SRP19: variants seen among roughly 807,000 people sequenced by gnomAD.
The protein encoded by SRP19 is signal recognition particle 19 kDa protein.
A neutral mutation model predicts 22.4 loss-of-function variants in SRP19; 11 were observed. The observed-to-expected ratio is 0.49, with a 90% CI of 0.31 to 0.81. The LOEUF (loss-of-function observed/expected upper bound fraction) is 0.81. SRP19 is among the 40% of genes least tolerant of loss of function. The pLI is 0.05. For synonymous variants in SRP19, 61 were observed against 57.6 expected (o/e 1.06, Z -0.27); for missense variants, 168 against 175.9 (o/e 0.96, Z 0.25).
In SRP19 at chr5:112,867,730, G is replaced by A. The variant is rs988683731; in HGVS notation, c.*193G>A. 20 of 1,304,536 alleles carry A rather than the reference G, an allele frequency of 1.5e-5. No individual in the cohort carries two copies. The African/African-American group carries it at 2.7e-4, about 17-fold the overall frequency. 80.8% of individuals were successfully genotyped at this position (1,304,536 alleles called of 1,614,324 possible). On this transcript the variant is annotated 3_prime_UTR_variant, in exon 5 of 5. Coordinates refer to ENST00000505459, the MANE Select transcript of SRP19 (RefSeq NM_003135.3). ...TCAGAAGTTTGCATCTCGCGTATATGCCGTATAAAAGAATTTTTTTGTCTT... is the reference window on the plus strand; with the variant it reads ...TCAGAAGTTTGCATCTCGCGTATATACCGTATAAAAGAATTTTTTTGTCTT...
At chr5:112,892,089 T>C (rs1389883723) in exon 5 of SRP19, 2 of 1,612,118 alleles carry the variant, frequency 1.2e-6, no homozygotes, top group Admixed American at 1.7e-5. Flanking sequence ...AGGCTGAAAA[T>C]GATTTAGAAA....
At chr5:112,886,656 T>C (rs1486898092) in intron 4 of SRP19, among the ~76,000 whole-genome samples, 1 of 152,238 alleles carries the variant, frequency 6.6e-6, no homozygotes, top group African/African-American at 2.4e-5. Flanking sequence ...TTTCTCCATT[T>C]ATTTAAAACT....
At chr5:112,889,019 T>G (rs1230813036) in intron 4 of SRP19, among the ~76,000 whole-genome samples, 1 of 150,848 alleles carries the variant, frequency 6.6e-6, no homozygotes, top group Non-Finnish European at 1.5e-5. Context: ...TCGCTTGGGC[T>G]CTCATTCTTT....
chr5:112,864,358 G>T, intron 2 of SRP19, 99 bp from the exon 3 acceptor site: 1 of 1,028,456 alleles, frequency 9.7e-7, no homozygotes, highest in South Asian at 1.4e-5. Flanking sequence ...TAGGGTTTTG[G>T]TACTTGTTTG....
At chr5:112,884,897 G>C (rs1054230279) in intron 4 of SRP19, among the ~76,000 whole-genome samples, 23 of 151,908 alleles carry the variant, frequency 1.5e-4, no homozygotes, top group African/African-American at 5.3e-4. Flanking sequence ...ATGAATTCAA[G>C]GAGTATGGTC....
chr5:112,891,603 G>C (rs771952927), exon 5 of SRP19: 3 of 1,565,684 alleles, frequency 1.9e-6, no homozygotes, highest in African/African-American at 2.7e-5. Flanking sequence ...ATTCCCATAG[G>C]TTAAGAATGT....
intron 4 of SRP19, among the ~76,000 whole-genome samples, chr5:112,875,325 T>G (rs931560161): frequency 1.3e-5 from 2 of 152,006 alleles, no homozygotes; most frequent in Non-Finnish European, 2.9e-5. Context: ...TAGGTGACCG[T>G]GCGGACCAGC....
chr5:112,888,112 G>A (rs1386997707), intron 4 of SRP19, among the ~76,000 whole-genome samples: 1 of 152,138 alleles, frequency 6.6e-6, no homozygotes, highest in African/African-American at 2.4e-5. Flanking sequence ...TTCCAAATCA[G>A]TATTTTTTAC....
intron 1 of SRP19, 92 bp downstream of exon 1, chr5:112,861,509 G>A: frequency 7.1e-7 from 1 of 1,409,044 alleles, no homozygotes; most frequent in Non-Finnish European, 9.8e-7. Flanking sequence ...GCGGCCTCCA[G>A]AATGGCCTAG....
chr5:112,874,282 C>G (rs1407912589), downstream of SRP19, among the ~76,000 whole-genome samples: 4 of 152,278 alleles, frequency 2.6e-5, no homozygotes, highest in South Asian at 2.1e-4. Flanking sequence ...AGTTTGAGAC[C>G]AGCCTGGCTA....
At chr5:112,896,057 T>TA (rs1349460483), downstream of SRP19, 3 of 152,616 alleles carry the variant, frequency 2.0e-5, no homozygotes, top group African/African-American at 7.2e-5. Context: ...CAGGTAGGGG[T>TA]ATGCTTAACA....
intron 4 of SRP19, among the ~76,000 whole-genome samples, chr5:112,875,442 C>T (rs558575397): frequency 2.0e-4 from 31 of 151,576 alleles, no homozygotes; most frequent in Admixed American, 1.6e-3. Flanking sequence ...CGTCTTGGCT[C>T]ACTGCAGCCT....
At chr5:112,893,094 T>TAAAAAAAAAAA (rs552226372), downstream of SRP19, 66 of 501,458 alleles carry the variant, frequency 1.3e-4, no homozygotes, top group African/African-American at 7.7e-4. Flanking sequence ...GTTTTGTTCT[T>TAAAAAAAAAAA]AAAAAAAAAA....
chr5:112,894,751 C>T (rs148560021), downstream of SRP19: 8 of 152,256 alleles, frequency 5.3e-5, no homozygotes, highest in East Asian at 1.2e-3. Flanking sequence ...TTAGTGAATT[C>T]GTTGAGTTTT....
exon 5 of SRP19, chr5:112,892,525 T>G: frequency 1.2e-6 from 2 of 1,614,040 alleles, no homozygotes; most frequent in Non-Finnish European, 1.7e-6. Context: ...TAACGGACGA[T>G]GGTATGCAGG....
At chr5:112,865,919 G>A (rs1202899335) in intron 4 of SRP19, among the ~76,000 whole-genome samples, 1 of 152,044 alleles carries the variant, frequency 6.6e-6, no homozygotes, top group African/African-American at 2.4e-5. Context: ...AGAGACAAGG[G>A]TCTCACTGTG....
At chr5:112,872,322 CTTTTTTT>C (rs759571945), downstream of SRP19, among the ~76,000 whole-genome samples, 5 of 92,692 alleles carry the variant, frequency 5.4e-5, no homozygotes, top group Admixed American at 1.5e-4. Context: ...CCAAATGATT[CTTTTTTT>C]TTTTTTTTTT....
intron 4 of SRP19, chr5:112,865,062 G>A (rs1580714083): frequency 5.4e-6 from 1 of 184,484 alleles, no homozygotes; most frequent in East Asian, 1.3e-4. Flanking sequence ...GATCCTAGAG[G>A]TCCTTGAGGT....
downstream of SRP19, chr5:112,897,215 T>C (rs929457147): frequency 2.0e-5 from 3 of 152,158 alleles, no homozygotes; most frequent in Admixed American, 2.0e-4. Flanking sequence ...TACATATATA[T>C]ATACACATAC....
Sources: gnomAD v4.1 joint callset for allele counts (sites outside exome capture counted in the v4.1 genomes callset) on GRCh38, gnomAD v4.1.1 for gene constraint, MANE v1.5 for transcripts, NCBI Gene and HGNC (gene_info 2026-07-23, HGNC 2026-07-21) for gene names.